ZNF568: variants seen among roughly 807,000 people sequenced by gnomAD.
ZNF568 encodes the protein p53 inhibitor of SCO2 activation.
ZNF568 carries 11 observed loss-of-function variants against 18.1 expected under a neutral mutation model. The ratio of observed to expected loss-of-function variants is 0.61; its 90% CI spans 0.38 to 1.00. The LOEUF (loss-of-function observed/expected upper bound fraction) is 1.00. ZNF568 is among the 50% of genes least tolerant of loss of function. ZNF568 has a pLI of 0.01. For missense variants in ZNF568, 639 were observed against 768.2 expected, an observed-to-expected ratio of 0.83 and a Z score of 1.99; for synonymous variants, 213 against 246.6, an observed-to-expected ratio of 0.86 and a Z score of 1.28.
At position 36,949,498 on chromosome 19, in the gene ZNF568, G is replaced by A. The variant is rs1215007389; in HGVS notation, c.359-14G>A. On this transcript the variant is annotated splice_polypyrimidine_tract_variant and intron_variant, in intron 6 of 6. Transcript: ENST00000333987. The stretch of plus-strand genomic sequence containing the variant: ...AATAATTCACAAGTAATAATTTCTG[G>A]TCCTCCATTTTAGAAGTTTGGGAAG... 1 of 1,542,704 alleles carries A rather than the reference G, an allele frequency of 6.5e-7. No individual in the cohort carries two copies. Among genetic ancestry groups the A allele is most frequent in the Non-Finnish European group, 8.7e-7 (1 of 1,151,090 alleles).
chr19:36,954,934 C>G (rs911598887), downstream of ZNF568, among the ~76,000 whole-genome samples: 1 of 151,632 alleles, frequency 6.6e-6, no homozygotes, highest in African/African-American at 2.4e-5. Context: ...GGCTGGAATG[C>G]AGCAGCATGA....
At chr19:36,944,200 A>G (rs967408120) in intron 6 of ZNF568, among the ~76,000 whole-genome samples, 1 of 151,906 alleles carries the variant, frequency 6.6e-6, no homozygotes, top group Non-Finnish European at 1.5e-5. Context: ...GGAGTTTGAG[A>G]CCAGCCTGAC....
At chr19:36,936,216 T>C (rs1346523018) in intron 4 of ZNF568, among the ~76,000 whole-genome samples, 1 of 152,208 alleles carries the variant, frequency 6.6e-6, no homozygotes, top group Non-Finnish European at 1.5e-5. Context: ...GTTGGTCTTA[T>C]GTAGCTCTAT....
chr19:36,927,901 ATATTTTTTTTTTTTT>A (rs2073606485), intron 4 of ZNF568, among the ~76,000 whole-genome samples: 4 of 23,088 alleles, frequency 1.7e-4, no homozygotes, highest in African/African-American at 1.2e-3. Flanking sequence ...ATATATATAT[ATATTTTTTTTTTTTT>A]TTTTTTTTTT....
intron 4 of ZNF568, among the ~76,000 whole-genome samples, chr19:36,927,899 ATATATTTTTTTTTTTTTTTTTT>A (rs2073605773): frequency 1.2e-4 from 3 of 24,084 alleles, no homozygotes; most frequent in South Asian, 1.4e-3. Context: ...ATATATATAT[ATATATTTTTTTTTTTTTTTTTT>A]TTTTTTTTTT....
downstream of ZNF568, among the ~76,000 whole-genome samples, chr19:36,954,788 G>A (rs1228066473): frequency 6.7e-6 from 1 of 150,036 alleles, no homozygotes; most frequent in Non-Finnish European, 1.5e-5. Flanking sequence ...ATGTTGGCCA[G>A]GCTGGTCTCG....
chr19:36,997,136 G>T, exon 5 of ZNF568: 1 of 1,576,252 alleles, frequency 6.3e-7, no homozygotes. Flanking sequence ...TATGAATGCA[G>T]GGAGTGTGGA....
chr19:36,987,637 G>A (rs893331682), intron 2 of ZNF568, among the ~76,000 whole-genome samples: 1 of 151,378 alleles, frequency 6.6e-6, no homozygotes, highest in African/African-American at 2.4e-5. Context: ...TTCCATGGCT[G>A]AGGGTCTCAG....
chr19:36,919,012 TTTTG>T (rs1183831917), intron 2 of ZNF568, among the ~76,000 whole-genome samples: 13 of 152,338 alleles, frequency 8.5e-5, no homozygotes, highest in Non-Finnish European at 1.3e-4. Flanking sequence ...TGGATAAATA[TTTTG>T]TTTATCAATT....
At chr19:36,940,119 A>G (rs1194373345) in intron 6 of ZNF568, among the ~76,000 whole-genome samples, 1 of 152,142 alleles carries the variant, frequency 6.6e-6, no homozygotes, top group Non-Finnish European at 1.5e-5. Context: ...TCTGAATTAC[A>G]ATAGACTTCT....
At chr19:36,961,145 T>C (rs1480402398) in intron 6 of ZNF568, among the ~76,000 whole-genome samples, 2 of 152,144 alleles carry the variant, frequency 1.3e-5, no homozygotes, top group Non-Finnish European at 2.9e-5. Flanking sequence ...TGTAATGCAG[T>C]CTCTCTCTTT....
At chr19:36,917,173 C>T (rs2073354098) in intron 1 of ZNF568, among the ~76,000 whole-genome samples, 1 of 152,170 alleles carries the variant, frequency 6.6e-6, no homozygotes, top group Non-Finnish European at 1.5e-5. Context: ...TGGGGCTTGG[C>T]TGAGTGGATA....
chr19:36,957,104 CAT>C (rs1461185015), downstream of ZNF568, among the ~76,000 whole-genome samples: 1 of 151,334 alleles, frequency 6.6e-6, no homozygotes, highest in Non-Finnish European at 1.5e-5. Context: ...CATTCAGTCA[CAT>C]GTCATGTAAG....
At chr19:36,973,691 C>G (rs2074257005) in intron 6 of ZNF568, 1 of 153,124 alleles carries the variant, frequency 6.5e-6, no homozygotes, top group South Asian at 2.1e-4. Context: ...CGATCTGTGC[C>G]CGCTGTGCCT....
chr19:36,966,604 C>T (rs559770022), intron 6 of ZNF568, among the ~76,000 whole-genome samples: 1 of 152,306 alleles, frequency 6.6e-6, no homozygotes, highest in Admixed American at 6.5e-5. Context: ...AAGTGGACAA[C>T]TTGAAGCATT....
intron 3 of ZNF568, among the ~76,000 whole-genome samples, chr19:36,923,556 C>G (rs555640427): frequency 2.0e-5 from 3 of 151,100 alleles, no homozygotes; most frequent in Admixed American, 1.3e-4. Flanking sequence ...ATTCTTTTCT[C>G]TCTGCATTGC....
chr19:36,994,797 G>A (rs1026206692), intron 4 of ZNF568, among the ~76,000 whole-genome samples: 8 of 151,704 alleles, frequency 5.3e-5, no homozygotes, highest in Non-Finnish European at 1.0e-4. Flanking sequence ...TCAGCCTCCC[G>A]AGTAGCTAGG....
rs189537801 is a variant in ZNF568 at position 36,976,700 on chromosome 19, C to T, written c.405+2234C>T. On this transcript the variant is annotated intron_variant, in intron 7 of 7. Transcript: ENST00000427117. ...CCAAGGCGGGCGGATCACCTGAGGT[C>T]GAGAGTTCAAGACCAGCCTGACCAA... Among the ~76,000 whole-genome samples, 421 of 152,082 alleles carry T rather than the reference C, an allele frequency of 2.8e-3. 5 individuals are homozygous for T. The highest frequency in any genetic ancestry group is 0.02 in the South Asian group (98 of 4,818).
chr19:36,957,366 G>A (rs1279384453), downstream of ZNF568, among the ~76,000 whole-genome samples: 1 of 151,866 alleles, frequency 6.6e-6, no homozygotes, highest in Non-Finnish European at 1.5e-5. Flanking sequence ...CAAGTAGCTG[G>A]GATTACAGGC....
Sources: allele counts gnomAD v4.1 joint callset (sites outside exome capture counted in the v4.1 genomes callset), GRCh38; gene constraint gnomAD v4.1.1; transcripts MANE v1.5; gene names NCBI Gene and HGNC (gene_info 2026-07-23, HGNC 2026-07-21).